Variants in BTLA observed in about 807,000 individuals in gnomAD.
BTLA encodes B and T lymphocyte associated, also known as B- and T-lymphocyte attenuator.
In BTLA, 11 loss-of-function variants were observed where a neutral mutation model predicts 25.0. The observed-to-expected ratio is 0.44, with a 90% CI of 0.28 to 0.73. The LOEUF (loss-of-function observed/expected upper bound fraction) is 0.73, where lower values mean the gene tolerates loss of function less well. BTLA is among the 30% of genes least tolerant of loss of function. BTLA has a pLI of 0.15. For synonymous variants in BTLA, 104 were observed against 119.8 expected (o/e 0.87, Z 0.86); for missense variants, 282 against 332.8 (o/e 0.85, Z 1.19).
chr3:112,486,249 G>C (rs1007679778), intron 1 of BTLA, among the ~76,000 whole-genome samples: 1 of 152,138 alleles, frequency 6.6e-6, no homozygotes, highest in Non-Finnish European at 1.5e-5. Context: ...AAAACCACTA[G>C]TGGTATATAT....
intron 1 of BTLA, among the ~76,000 whole-genome samples, chr3:112,495,907 C>T (rs550413572): frequency 6.6e-6 from 1 of 152,332 alleles, no homozygotes; most frequent in East Asian, 1.9e-4. Flanking sequence ...AAAAAAATGA[C>T]ACAAGCCAGA....
intron 3 of BTLA, among the ~76,000 whole-genome samples, 155 bp downstream of exon 3, chr3:112,471,057 T>C (rs901384786): frequency 6.6e-6 from 1 of 152,202 alleles, no homozygotes; most frequent in Admixed American, 6.5e-5. Context: ...TTTAGCTTTT[T>C]AGCGCAAATA....
At chr3:112,479,055 C>T (rs2082303708) in intron 2 of BTLA, among the ~76,000 whole-genome samples, 1 of 137,182 alleles carries the variant, frequency 7.3e-6, no homozygotes, top group Non-Finnish European at 1.6e-5. Context: ...TTGTAATGAA[C>T]AAAAGTAAAG....
At chr3:112,499,233 A>C (rs968893484) in intron 1 of BTLA, 38 bp downstream of exon 1, 7 of 1,443,880 alleles carry the variant, frequency 4.8e-6, no homozygotes, top group Non-Finnish European at 6.8e-6. Flanking sequence ...AGACCCCCTG[A>C]GAAATAAAAC....
intron 2 of BTLA, among the ~76,000 whole-genome samples, chr3:112,474,099 C>G (rs895327204): frequency 6.6e-6 from 1 of 152,126 alleles, no homozygotes; most frequent in African/African-American, 2.4e-5. Context: ...CATCCAAGCC[C>G]CAACTCTGTC....
intron 1 of BTLA, among the ~76,000 whole-genome samples, chr3:112,492,851 T>G (rs942655808): frequency 6.6e-6 from 1 of 152,180 alleles, no homozygotes; most frequent in Non-Finnish European, 1.5e-5. Flanking sequence ...AGTTCCAGGT[T>G]GTGCTTATAA....
chr3:112,494,620 T>C (rs2082399196), intron 1 of BTLA, among the ~76,000 whole-genome samples: 1 of 152,198 alleles, frequency 6.6e-6, no homozygotes, highest in African/African-American at 2.4e-5. Flanking sequence ...TGGATGAAGC[T>C]GGAAGCCATC....
chr3:112,476,512 C>G (rs543645711), intron 2 of BTLA, among the ~76,000 whole-genome samples: 2 of 152,078 alleles, frequency 1.3e-5, no homozygotes, highest in Admixed American at 1.3e-4. Context: ...CTAAACTGTA[C>G]GAGGTTGCAT....
intron 1 of BTLA, among the ~76,000 whole-genome samples, chr3:112,484,233 A>G (rs1261287272): frequency 6.6e-6 from 1 of 152,214 alleles, no homozygotes; most frequent in African/African-American, 2.4e-5. Flanking sequence ...AGTGATATGG[A>G]GACCACTGGT....
chr3:112,483,572 C>T (rs1305603262), intron 1 of BTLA, among the ~76,000 whole-genome samples: 1 of 152,088 alleles, frequency 6.6e-6, no homozygotes, highest in Admixed American at 6.5e-5. Flanking sequence ...GTTAGGAAGC[C>T]TAGGAATAAA....
At chr3:112,468,456 A>G (rs957303310) in intron 4 of BTLA, among the ~76,000 whole-genome samples, 1 of 152,220 alleles carries the variant, frequency 6.6e-6, no homozygotes, top group Non-Finnish European at 1.5e-5. Flanking sequence ...CTGAAATGCT[A>G]GACAACTGAA....
intron 2 of BTLA, among the ~76,000 whole-genome samples, chr3:112,476,824 C>T (rs1403794166): frequency 6.6e-6 from 1 of 152,164 alleles, no homozygotes; most frequent in Non-Finnish European, 1.5e-5. Flanking sequence ...AGCCCTCTAC[C>T]TATTTAGTAG....
chr3:112,493,012 GAC>G (rs2082388116), intron 1 of BTLA, among the ~76,000 whole-genome samples: 1 of 152,150 alleles, frequency 6.6e-6, no homozygotes, highest in African/African-American at 2.4e-5. Flanking sequence ...CATACACACA[GAC>G]ACATGCTGCA....
At chr3:112,491,588 G>A (rs2082380251) in intron 1 of BTLA, among the ~76,000 whole-genome samples, 1 of 152,200 alleles carries the variant, frequency 6.6e-6, no homozygotes, top group Admixed American at 6.5e-5. Flanking sequence ...TAACTCCAAA[G>A]CACAAGCTCT....
At chr3:112,495,230 T>C (rs570271828) in intron 1 of BTLA, among the ~76,000 whole-genome samples, 8 of 152,344 alleles carry the variant, frequency 5.3e-5, no homozygotes, top group East Asian at 1.9e-4. Flanking sequence ...TACTAATCCA[T>C]GGAGTCTGGC....
intron 1 of BTLA, among the ~76,000 whole-genome samples, chr3:112,487,355 C>G (rs543569594): frequency 6.6e-6 from 1 of 152,104 alleles, no homozygotes; most frequent in African/African-American, 2.4e-5. Flanking sequence ...GAGGCCAGGG[C>G]GGGCGGATCA....
At chr3:112,468,411 C>A (rs1024525833) in intron 4 of BTLA, among the ~76,000 whole-genome samples, 1 of 152,134 alleles carries the variant, frequency 6.6e-6, no homozygotes, top group Non-Finnish European at 1.5e-5. Context: ...ATATTTAGCC[C>A]CAAGGGTATA....
chr3:112,469,787 A>C lies in BTLA; in HGVS notation c.565T>G (p.Ser189Ala), dbSNP rs2082252330. ...RRHQGKQNELSDTAGREINLV... is the reference protein window; with the variant it reads ...RRHQGKQNELADTAGREINLV... Reference sequence around the variant, plus strand: ...TTAATTTCCCTTCCTGCTGTGTCAGAGAGTTCATTTTGCTTTCCTGGAAGA... The same window carrying C: ...TTAATTTCCCTTCCTGCTGTGTCAGCGAGTTCATTTTGCTTTCCTGGAAGA... The change falls in exon 4 of 5, where the codon TCT becomes GCT. Residue 189 changes from serine (S) to alanine (A), a missense_variant. Transcript: ENST00000334529. 1.9e-6 allele frequency: 3 copies of C among 1,611,120 alleles called. 1 individual carries two copies. In the South Asian group the frequency reaches 3.3e-5, roughly 18 times the overall value.
At chr3:112,480,832 C>A (rs1454245136) in intron 1 of BTLA, among the ~76,000 whole-genome samples, 1 of 152,136 alleles carries the variant, frequency 6.6e-6, no homozygotes, top group Non-Finnish European at 1.5e-5. Flanking sequence ...TTTTCACATA[C>A]AAAATACATT....
Sources: gnomAD v4.1 joint callset for allele counts (sites outside exome capture counted in the v4.1 genomes callset) on GRCh38, gnomAD v4.1.1 for gene constraint, MANE v1.5 for transcripts, NCBI Gene and HGNC (gene_info 2026-07-23, HGNC 2026-07-21) for gene names.